The following RASAL2 variants were observed in gnomAD, a reference collection of about 807,000 sequenced individuals.
RASAL2 encodes ras GTPase-activating protein nGAP.
A neutral mutation model predicts 128.9 loss-of-function variants in RASAL2; 58 were observed. That is an observed-to-expected ratio of 0.45 (90% CI 0.36 to 0.56). The LOEUF (loss-of-function observed/expected upper bound fraction) is 0.56. RASAL2 is among the 20% of genes least tolerant of loss of function. RASAL2 has a pLI of 0.00. For synonymous variants in RASAL2, 561 were observed against 580.8 expected (o/e 0.97, Z 0.49); for missense variants, 1,360 against 1,601.6 (o/e 0.85, Z 2.57).
chr1:178,300,711 A>G (rs563593544), intron 3 of RASAL2, among the ~76,000 whole-genome samples: 1 of 152,262 alleles, frequency 6.6e-6, no homozygotes, highest in Non-Finnish European at 1.5e-5. Flanking sequence ...TAATGTCAAT[A>G]TCAAAGCAGC....
intron 14 of RASAL2, among the ~76,000 whole-genome samples, chr1:178,459,720 T>A (rs1252787891): frequency 1.3e-5 from 2 of 152,212 alleles, no homozygotes; most frequent in East Asian, 3.8e-4. Flanking sequence ...ATGACTAACT[T>A]AAGCTGTTTC....
chr1:178,235,238 A>G (rs1216419931), intron 1 of RASAL2, among the ~76,000 whole-genome samples: 1 of 152,188 alleles, frequency 6.6e-6, no homozygotes, highest in Non-Finnish European at 1.5e-5. Flanking sequence ...AGTTCCTCTC[A>G]ATGGTTAGCA....
At chr1:178,388,546 A>C (rs1175790217) in intron 3 of RASAL2, among the ~76,000 whole-genome samples, 1 of 152,242 alleles carries the variant, frequency 6.6e-6, no homozygotes, top group Non-Finnish European at 1.5e-5. Flanking sequence ...GCAAGCATAC[A>C]AGATGCTATG....
At chr1:178,459,901 C>T (rs1396436734) in intron 14 of RASAL2, among the ~76,000 whole-genome samples, 1 of 152,012 alleles carries the variant, frequency 6.6e-6, no homozygotes, top group Admixed American at 6.6e-5. Context: ...AAATAGATAT[C>T]TTTTATATGT....
intron 1 of RASAL2, among the ~76,000 whole-genome samples, chr1:178,231,950 A>G (rs1265654444): frequency 6.6e-6 from 1 of 152,206 alleles, no homozygotes; most frequent in Non-Finnish European, 1.5e-5. Context: ...TAATAGTGAT[A>G]AATAGAACAT....
intron 1 of RASAL2, among the ~76,000 whole-genome samples, chr1:178,240,034 A>G (rs1664428979): frequency 6.6e-6 from 1 of 152,050 alleles, no homozygotes; most frequent in Non-Finnish European, 1.5e-5. Context: ...GCCTTTACAC[A>G]GATTTTTATA....
intron 1 of RASAL2, among the ~76,000 whole-genome samples, chr1:178,168,281 A>G (rs1234955817): frequency 6.6e-6 from 1 of 152,084 alleles, no homozygotes; most frequent in Non-Finnish European, 1.5e-5. Flanking sequence ...AGCCAAAAAA[A>G]AAAAAACTGT....
chr1:178,405,213 C>T (rs1217522177), intron 4 of RASAL2, among the ~76,000 whole-genome samples: 1 of 152,168 alleles, frequency 6.6e-6, no homozygotes, highest in Non-Finnish European at 1.5e-5. Context: ...CCTGAAGATA[C>T]ATTTCCACCA....
At chr1:178,229,672 C>G (rs75333358) in intron 1 of RASAL2, among the ~76,000 whole-genome samples, 341 of 152,110 alleles carry the variant, frequency 2.2e-3, no homozygotes, top group Middle Eastern at 6.8e-3. Context: ...TTGATTGATT[C>G]ATTCATTCTC....
intron 1 of RASAL2, among the ~76,000 whole-genome samples, chr1:178,198,522 G>A (rs1046117612): frequency 6.6e-6 from 1 of 152,194 alleles, no homozygotes; most frequent in Non-Finnish European, 1.5e-5. Context: ...ATTCCTTTCT[G>A]TTTGTTAGTT....
At chr1:178,390,587 C>G (rs780071826) in intron 4 of RASAL2, among the ~76,000 whole-genome samples, 3 of 152,062 alleles carry the variant, frequency 2.0e-5, no homozygotes, top group Non-Finnish European at 4.4e-5. Flanking sequence ...CCACATTGGC[C>G]AGGCTGGTCT....
intron 1 of RASAL2, among the ~76,000 whole-genome samples, chr1:178,104,451 C>T (rs1306563752): frequency 2.0e-5 from 3 of 152,012 alleles, no homozygotes; most frequent in Non-Finnish European, 4.4e-5. Context: ...TAACATTTTT[C>T]AAAAAGTTTA....
intron 1 of RASAL2, among the ~76,000 whole-genome samples, chr1:178,197,542 G>C (rs1269988056): frequency 6.6e-6 from 1 of 151,458 alleles, no homozygotes; most frequent in African/African-American, 2.4e-5. Flanking sequence ...CCAGGAAAGG[G>C]AGGCTGCAGT....
At chr1:178,406,058 A>G (rs758335921) in intron 4 of RASAL2, among the ~76,000 whole-genome samples, 2 of 152,184 alleles carry the variant, frequency 1.3e-5, no homozygotes, top group Admixed American at 1.3e-4. Flanking sequence ...CCCCTTAAAA[A>G]GTTGCCATGT....
intron 1 of RASAL2, chr1:178,194,579 TG>T (rs1662598522): frequency 6.5e-6 from 1 of 154,036 alleles, no homozygotes; most frequent in Non-Finnish European, 1.5e-5. Context: ...GTTTTCTTTT[TG>T]TTTTTTTGTT....
intron 1 of RASAL2, among the ~76,000 whole-genome samples, chr1:178,103,936 C>T (rs1658998828): frequency 6.6e-6 from 1 of 151,838 alleles, no homozygotes; most frequent in African/African-American, 2.4e-5. Context: ...ATGGGCTTTC[C>T]TGGGAGTTCT....
chr1:178,457,820 C>T lies in RASAL2; in HGVS notation c.2528C>T (p.Pro843Leu). ...AAGGATGAAAGGGAAAGTAGCCTTC[C>T]TAATGGTCGGAGCGTCTCCCTCATG... ...SEKDERESSL[P>L]NGRSVSLMDL... is the part of the protein sequence containing the mutation. The change falls in exon 14 of 18, where the codon CCT becomes CTT. Residue 843 changes from proline (P) to leucine (L), a missense_variant. This residue lies in a region of RASAL2 where 741 missense variants were observed against 868.6 expected (regional missense o/e 0.85). Transcript: ENST00000367649. 6.2e-7 allele frequency: 1 copy of T among 1,614,164 alleles called. No individual in the cohort carries two copies. Among genetic ancestry groups the T allele is most frequent in the Non-Finnish European group, 8.5e-7 (1 of 1,180,022 alleles).
intron 4 of RASAL2, among the ~76,000 whole-genome samples, chr1:178,395,146 C>G (rs1355208790): frequency 6.6e-6 from 1 of 152,124 alleles, no homozygotes; most frequent in Non-Finnish European, 1.5e-5. Flanking sequence ...ATGAAAATCA[C>G]CTAAGGAACT....
At chr1:178,146,810 T>C (rs952562854) in intron 1 of RASAL2, among the ~76,000 whole-genome samples, 5 of 152,252 alleles carry the variant, frequency 3.3e-5, no homozygotes, top group African/African-American at 4.8e-5. Flanking sequence ...TTTCTTCAAC[T>C]ATTAAAAGCT....
Sources: gnomAD v4.1 joint callset for allele counts (sites outside exome capture counted in the v4.1 genomes callset) on GRCh38, gnomAD v4.1.1 for gene constraint, gnomAD v4.1.1 regional missense constraint, MANE v1.5 for transcripts, NCBI Gene and HGNC (gene_info 2026-07-23, HGNC 2026-07-21) for gene names.